The following NAV2 variants were observed in gnomAD, a reference collection of about 807,000 sequenced individuals.
NAV2 encodes neuron navigator 2.
A neutral mutation model predicts 223.2 loss-of-function variants in NAV2; 54 were observed. That is an observed-to-expected ratio of 0.24 (90% CI 0.19 to 0.30). The LOEUF (loss-of-function observed/expected upper bound fraction) is 0.30. NAV2 is among the 10% of genes least tolerant of loss of function. The pLI, the probability that NAV2 is intolerant of heterozygous loss-of-function variation, is 1.00. For synonymous variants in NAV2, 1,279 were observed against 1,239.3 expected (o/e 1.03, Z -0.67); for missense variants, 2,806 against 3,147.5 (o/e 0.89, Z 2.60).
intron 1 of NAV2, among the ~76,000 whole-genome samples, chr11:19,497,088 C>T (rs936589939): frequency 6.6e-6 from 1 of 152,178 alleles, no homozygotes; most frequent in Non-Finnish European, 1.5e-5. Context: ...CCAGCAGGTA[C>T]CCATTCCAAA....
In NAV2 at chr11:19,789,668, A is replaced by T. The variant is rs184813273; in HGVS notation, c.268-42816A>T. On this transcript the variant is annotated intron_variant, in intron 1 of 37. Transcript: ENST00000349880. ...TCAGGTCTTGATTAGAGGCAGAAAA[A>T]TTTCATATCCTGTGAGAATTTATTG... Among the ~76,000 whole-genome samples, 517 of 152,320 alleles carry T rather than the reference A, an allele frequency of 3.4e-3. 1 individual carries two copies. The highest frequency in any genetic ancestry group is 0.012 in the African/African-American group (500 of 41,578).
intron 1 of NAV2, among the ~76,000 whole-genome samples, chr11:19,431,094 G>A (rs751299395): frequency 2.4e-3 from 364 of 152,280 alleles, no homozygotes; most frequent in Non-Finnish European, 3.9e-3. Context: ...AGGTGGAGGG[G>A]CATCTCATCC....
chr11:19,842,068 A>G (rs967049146), intron 2 of NAV2, among the ~76,000 whole-genome samples: 29 of 152,152 alleles, frequency 1.9e-4, no homozygotes, highest in African/African-American at 6.0e-4. Flanking sequence ...TGTTCTAACC[A>G]CTATGCTACG....
intron 11 of NAV2, among the ~76,000 whole-genome samples, chr11:19,995,178 C>T (rs1217976897): frequency 2.0e-5 from 3 of 152,338 alleles, no homozygotes; most frequent in East Asian, 3.9e-4. Context: ...GTGGTCAGCC[C>T]AGCTGATCTT....
intron 1 of NAV2, chr11:19,714,187 G>T: frequency 2.8e-6 from 2 of 702,320 alleles, no homozygotes; most frequent in South Asian, 3.0e-5. Context: ...TTCGAGACCT[G>T]GGATGGCGGG....
At position 20,001,665 on chromosome 11, in the gene NAV2, C is replaced by T. The variant is rs534660002; in HGVS notation, c.2768+17418C>T. Among the ~76,000 whole-genome samples the T allele has an allele frequency of 3.1e-4, 39 of 126,272 alleles. No individual in the cohort carries two copies. The South Asian group carries it at 7.7e-3, about 25-fold the overall frequency. The allele number at this position is 126,272 out of a possible 152,430, so 82.8% of individuals were successfully genotyped here. ...GTGGGAATTGAACAATGAGAACACT[C>T]GGACACAGGAAGGGGAACATCACAT... On this transcript the variant is annotated intron_variant, in intron 11 of 37. Coordinates refer to ENST00000349880, the MANE Select transcript of NAV2 (RefSeq NM_145117.5).
At chr11:19,425,095 C>T (rs970642275) in intron 1 of NAV2, among the ~76,000 whole-genome samples, 3 of 151,968 alleles carry the variant, frequency 2.0e-5, no homozygotes, top group Non-Finnish European at 4.4e-5. Flanking sequence ...TATAAGACTA[C>T]GGGCTATTAT....
At chr11:19,386,292 T>C (rs895190877) in intron 1 of NAV2, among the ~76,000 whole-genome samples, 2 of 152,228 alleles carry the variant, frequency 1.3e-5, no homozygotes, top group African/African-American at 4.8e-5. Flanking sequence ...GTTCTGGTTT[T>C]GAAGTCAGAG....
chr11:19,657,372 T>TA (rs1247424881), intron 1 of NAV2, among the ~76,000 whole-genome samples: 5 of 152,172 alleles, frequency 3.3e-5, no homozygotes, highest in Non-Finnish European at 5.9e-5. Context: ...ACATTTAATA[T>TA]AAAAAAACCA....
At chr11:19,741,493 CTTTCTTTT>C (rs1217323487) in intron 1 of NAV2, among the ~76,000 whole-genome samples, 10 of 70,158 alleles carry the variant, frequency 1.4e-4, no homozygotes, top group Middle Eastern at 0.013. Context: ...TTCTTTCTTT[CTTTCTTTT>C]TTTTTTTTTT....
At chr11:20,004,325 C>A (rs1427041999) in intron 11 of NAV2, among the ~76,000 whole-genome samples, 1 of 152,206 alleles carries the variant, frequency 6.6e-6, no homozygotes, top group Non-Finnish European at 1.5e-5. Context: ...ATCCATGTTT[C>A]TGGTGTAATC....
intron 1 of NAV2, among the ~76,000 whole-genome samples, chr11:19,809,020 G>A (rs1212370258): frequency 1.3e-5 from 2 of 152,194 alleles, no homozygotes; most frequent in Non-Finnish European, 2.9e-5. Flanking sequence ...AGAGCTCAGG[G>A]TTGTTAACTG....
chr11:19,705,318 G>T (rs905928271), intron 1 of NAV2, among the ~76,000 whole-genome samples: 2 of 152,188 alleles, frequency 1.3e-5, no homozygotes, highest in Non-Finnish European at 2.9e-5. Flanking sequence ...TTGGACTGGA[G>T]AATCCAGACG....
chr11:19,634,636 A>G (rs2047439231), intron 1 of NAV2, among the ~76,000 whole-genome samples: 1 of 152,166 alleles, frequency 6.6e-6, no homozygotes, highest in Non-Finnish European at 1.5e-5. Flanking sequence ...CATATTCTGG[A>G]CCCCAGGGAT....
intron 6 of NAV2, among the ~76,000 whole-genome samples, chr11:19,922,647 A>G (rs1640930054): frequency 6.6e-6 from 1 of 152,152 alleles, no homozygotes; most frequent in African/African-American, 2.4e-5. Context: ...CAAGTTTAGT[A>G]GCAGCTGTGG....
intron 34 of NAV2, chr11:20,104,996 C>T (rs111415691): frequency 0.011 from 1,732 of 153,016 alleles, 33 homozygotes; most frequent in African/African-American, 0.039. Context: ...TGTCCAGTCT[C>T]AGCCCAGACA....
chr11:19,774,871 C>T (rs1262844940), intron 1 of NAV2, among the ~76,000 whole-genome samples: 1 of 152,166 alleles, frequency 6.6e-6, no homozygotes, highest in Non-Finnish European at 1.5e-5. Flanking sequence ...GGTATTTTTT[C>T]ACCTTTTTCC....
chr11:19,525,256 G>A (rs533078274), intron 1 of NAV2, among the ~76,000 whole-genome samples: 1 of 152,306 alleles, frequency 6.6e-6, no homozygotes, highest in African/African-American at 2.4e-5. Context: ...ATGGCAAGTA[G>A]GTGGCAGAGC....
At chr11:19,391,736 A>C (rs1039118419) in intron 1 of NAV2, among the ~76,000 whole-genome samples, 2 of 152,136 alleles carry the variant, frequency 1.3e-5, no homozygotes, top group African/African-American at 4.8e-5. Context: ...GTTGTAACAA[A>C]CACTGGAGTT....
Sources: allele counts gnomAD v4.1 joint callset (sites outside exome capture counted in the v4.1 genomes callset), GRCh38; gene constraint gnomAD v4.1.1; transcripts MANE v1.5; gene names NCBI Gene and HGNC (gene_info 2026-07-23, HGNC 2026-07-21).